Variants in PALLD observed in about 807,000 individuals in gnomAD.
PALLD encodes palladin, cytoskeletal associated protein.
Under a neutral mutation model 123.5 loss-of-function variants are expected in PALLD, and 61 were observed. That is an observed-to-expected ratio of 0.49 (90% confidence interval 0.40 to 0.61). PALLD has a LOEUF of 0.61. PALLD is among the 20% of genes least tolerant of loss of function. The pLI is 0.00. For synonymous variants in PALLD, 465 were observed against 496.4 expected, an observed-to-expected ratio of 0.94 and a Z score of 0.84; for missense variants, 1,273 against 1,377.0, an observed-to-expected ratio of 0.92 and a Z score of 1.20.
At chr4:168,759,020 C>CA (rs1049581681) in intron 10 of PALLD, among the ~76,000 whole-genome samples, 9 of 147,844 alleles carry the variant, frequency 6.1e-5, no homozygotes, top group Admixed American at 1.4e-4. Flanking sequence ...ACTAAAAATA[C>CA]AAAAAAAAAT....
chr4:168,809,699 A>T (rs924298856), intron 10 of PALLD, among the ~76,000 whole-genome samples: 1 of 152,094 alleles, frequency 6.6e-6, no homozygotes, highest in African/African-American at 2.4e-5. Context: ...CCCCATCTCT[A>T]CTAAAAATAC....
intron 10 of PALLD, among the ~76,000 whole-genome samples, chr4:168,873,408 G>C (rs925699028): frequency 6.6e-6 from 1 of 152,154 alleles, no homozygotes; most frequent in Non-Finnish European, 1.5e-5. Context: ...TTTATTCATA[G>C]ATCACAAATG....
At chr4:168,568,718 T>G (rs1220893823) in intron 2 of PALLD, among the ~76,000 whole-genome samples, 1 of 151,650 alleles carries the variant, frequency 6.6e-6, no homozygotes, top group East Asian at 1.9e-4. Flanking sequence ...CTAAAATAAC[T>G]TCCACAAATA....
intron 10 of PALLD, among the ~76,000 whole-genome samples, chr4:168,775,188 A>G (rs1363696029): frequency 1.3e-5 from 2 of 152,186 alleles, no homozygotes; most frequent in Non-Finnish European, 2.9e-5. Context: ...GTTTCTCCAC[A>G]TCCTAGTCTG....
At chr4:168,590,035 A>G (rs895863829) in intron 2 of PALLD, among the ~76,000 whole-genome samples, 1 of 152,172 alleles carries the variant, frequency 6.6e-6, no homozygotes, top group African/African-American at 2.4e-5. Flanking sequence ...TCTCAGGTTG[A>G]CTAGAAGTCT....
intron 9 of PALLD, 67 bp from the exon 10 acceptor site, chr4:168,711,514 C>A: frequency 9.3e-7 from 1 of 1,074,390 alleles, no homozygotes; most frequent in Non-Finnish European, 1.5e-6. Context: ...AAGACTCTGA[C>A]AGTGTGAAAT....
intron 8 of PALLD, 63 bp downstream of exon 8, chr4:168,691,355 T>C: frequency 7.7e-7 from 1 of 1,302,922 alleles, no homozygotes; most frequent in Non-Finnish European, 1.1e-6. Flanking sequence ...ATCTTTTGGG[T>C]CTCAATAGTT....
intron 2 of PALLD, among the ~76,000 whole-genome samples, chr4:168,534,643 T>C (rs1434649060): frequency 2.0e-5 from 3 of 152,222 alleles, no homozygotes; most frequent in Non-Finnish European, 4.4e-5. Flanking sequence ...ACACATTTTC[T>C]CTTCTGAACT....
intron 2 of PALLD, among the ~76,000 whole-genome samples, chr4:168,586,024 C>T (rs188548097): frequency 2.6e-5 from 4 of 152,088 alleles, no homozygotes; most frequent in Admixed American, 6.5e-5. Context: ...TTACCAATGT[C>T]CTCATATTTT....
chr4:168,556,968 C>T (rs1338611596), intron 2 of PALLD, among the ~76,000 whole-genome samples: 4 of 152,198 alleles, frequency 2.6e-5, no homozygotes, highest in African/African-American at 9.7e-5. Flanking sequence ...GCAAGTGTTC[C>T]TGTAATCAGC....
chr4:168,524,974 T>C (rs7659285), intron 2 of PALLD, among the ~76,000 whole-genome samples: 2,288 of 152,274 alleles, frequency 0.015, 55 homozygotes, highest in African/African-American at 0.052. Context: ...TTTCTCTTTC[T>C]TTTATAAACA....
At chr4:168,621,168 T>C (rs928130600) in intron 2 of PALLD, among the ~76,000 whole-genome samples, 1 of 152,250 alleles carries the variant, frequency 6.6e-6, no homozygotes, top group Non-Finnish European at 1.5e-5. Flanking sequence ...CCCTAGCCAT[T>C]GATAAACCTC....
At chr4:168,745,431 G>GC (rs1730150687) in intron 10 of PALLD, among the ~76,000 whole-genome samples, 1 of 140,540 alleles carries the variant, frequency 7.1e-6, no homozygotes, top group African/African-American at 2.6e-5. Flanking sequence ...GATGGGAGGG[G>GC]GGGGCAAATA....
intron 2 of PALLD, among the ~76,000 whole-genome samples, chr4:168,559,460 T>C (rs1767642325): frequency 6.6e-6 from 1 of 152,230 alleles, no homozygotes; most frequent in African/African-American, 2.4e-5. Flanking sequence ...TTTTAATCAC[T>C]AGAAATGGAA....
At chr4:168,766,746 T>C (rs1733721081) in intron 10 of PALLD, among the ~76,000 whole-genome samples, 1 of 152,214 alleles carries the variant, frequency 6.6e-6, no homozygotes, top group Admixed American at 6.5e-5. Context: ...GAGTCACTTA[T>C]CAACTATGAA....
rs1342903429 is a variant in PALLD, at chr4:168,577,118, G to A, written c.908+64706G>A. Among the ~76,000 whole-genome samples, 5 of 152,136 alleles carry A rather than the reference G, an allele frequency of 3.3e-5. No individual in the cohort carries two copies. In the East Asian group the frequency reaches 9.6e-4, roughly 29 times the overall value. On this transcript the variant is annotated intron_variant, in intron 2 of 21. Coordinates refer to ENST00000505667, the MANE Select transcript of PALLD (RefSeq NM_001166108.2). ...AGCCATAAGGTGGAAGAAGATTTAT[G>A]AACAGAAAAAGGAAAATGATGTACA...
chr4:168,899,398 A>T (rs1409444120), intron 14 of PALLD, among the ~76,000 whole-genome samples: 1 of 151,924 alleles, frequency 6.6e-6, no homozygotes, highest in Non-Finnish European at 1.5e-5. Flanking sequence ...TGAAAAGAAT[A>T]AAAAAAAGGG....
chr4:168,601,304 A>C (rs760664015), intron 2 of PALLD, among the ~76,000 whole-genome samples: 5 of 152,092 alleles, frequency 3.3e-5, no homozygotes, highest in Admixed American at 6.6e-5. Context: ...GGTGAATAAG[A>C]CTCATTATGG....
intron 10 of PALLD, among the ~76,000 whole-genome samples, chr4:168,773,280 G>A (rs910458371): frequency 1.3e-5 from 2 of 152,158 alleles, no homozygotes; most frequent in African/African-American, 2.4e-5. Context: ...AAATCCTGGT[G>A]TCTGAAGAAG....
Sources: gnomAD v4.1 joint callset for allele counts (sites outside exome capture counted in the v4.1 genomes callset) on GRCh38, gnomAD v4.1.1 for gene constraint, MANE v1.5 for transcripts, NCBI Gene and HGNC (gene_info 2026-07-23, HGNC 2026-07-21) for gene names.